The following BLM variants were observed in gnomAD, a reference collection of about 807,000 sequenced individuals.
The protein encoded by BLM is BLM RecQ like helicase.
In BLM, 95 loss-of-function variants were observed where a neutral mutation model predicts 135.3. That is an observed-to-expected ratio of 0.70 (90% CI 0.59 to 0.83). The LOEUF (loss-of-function observed/expected upper bound fraction) is 0.83. Among genes scored for constraint, BLM ranks in the 40% least tolerant of loss-of-function variants. The pLI, the probability that BLM is intolerant of heterozygous loss-of-function variation, is 0.00. For synonymous variants in BLM, 520 were observed against 589.2 expected, an observed-to-expected ratio of 0.88 and a Z score of 1.70; for missense variants, 1,518 against 1,663.9, an observed-to-expected ratio of 0.91 and a Z score of 1.53.
Position 90,749,592 on chromosome 15 carries a change from G to C in BLM, c.324G>C (p.Leu108Phe), listed in dbSNP as rs1198433222. Residue 108 changes from leucine to phenylalanine, a missense_variant, in exon 3 of 22, where the codon TTG (leucine) becomes TTC (phenylalanine). Leu to Phe is a conservative substitution (Grantham distance 22). Coordinates refer to ENST00000355112, the MANE Select transcript of BLM (RefSeq NM_000057.4). ...ETQRGGSKSL[L>F]PDFLQTPKEV... ...AGAGAGGTGGATCAAAATCATTATT[G>C]CCAGATTTCTTGCAGACTCCGAAGG... is the stretch of plus-strand genomic sequence containing the variant. The C allele has an allele frequency of 6.2e-7, 1 of 1,614,114 alleles. No individual in the cohort carries two copies. Among genetic ancestry groups the C allele is most frequent in the Non-Finnish European group, 8.5e-7 (1 of 1,180,018 alleles).
At chr15:90,789,955 A>G (rs1384472219) in intron 14 of BLM, among the ~76,000 whole-genome samples, 1 of 134,080 alleles carries the variant, frequency 7.5e-6, no homozygotes, top group African/African-American at 2.8e-5. Context: ...CCACTAAGTA[A>G]TTTGTAAGGT....
chr15:90,722,967 A>G (rs937809999), intron 1 of BLM, among the ~76,000 whole-genome samples: 1 of 152,056 alleles, frequency 6.6e-6, no homozygotes, highest in Non-Finnish European at 1.5e-5. Flanking sequence ...CAGCCTCCCA[A>G]GTAGCTTGGA....
In BLM at chr15:90,754,890, A is replaced by G. The variant is rs375250788; in HGVS notation, c.1039A>G (p.Lys347Glu). ...TSKDLLSKPE[K>E]MSMQELNPET... ...AAAAGATCTTTTGTCAAAACCTGAG[A>G]AAATGAGTATGCAGGAGCTGAATCC... is the stretch of plus-strand genomic sequence containing the variant. Residue 347 changes from lysine (K) to glutamate (E), a missense_variant, in exon 5 of 22, where the codon AAA becomes GAA. Lys to Glu is a moderately conservative substitution (Grantham distance 56). Coordinates refer to ENST00000355112, the MANE Select transcript of BLM (RefSeq NM_000057.4). 1.9e-6 allele frequency: 3 copies of G among 1,613,864 alleles called. No individual in the cohort carries two copies. Among genetic ancestry groups the G allele is most frequent in the African/African-American group, 2.7e-5 (2 of 74,908 alleles).
rs555571250 is a variant in BLM, at chr15:90,801,114, A to C, written c.3359-2407A>C. Reference sequence around the variant, plus strand: ...CAGTGAGCTAAGATCGCACCACTGCACTCCAGCCTGGGTGACAGAGCAAGA... The same window carrying C: ...CAGTGAGCTAAGATCGCACCACTGCCCTCCAGCCTGGGTGACAGAGCAAGA... On this transcript the variant is annotated intron_variant, in intron 17 of 21. Transcript: ENST00000355112. 4.0e-5 allele frequency among the ~76,000 whole-genome samples: 6 copies of C among 151,690 alleles called. No homozygotes were observed. The South Asian group carries it at 1.2e-3, about 31-fold the overall frequency.
At chr15:90,770,068 C>G (rs567545448) in intron 12 of BLM, among the ~76,000 whole-genome samples, 2 of 151,976 alleles carry the variant, frequency 1.3e-5, no homozygotes, top group Admixed American at 1.3e-4. Context: ...GATACTATGT[C>G]GAATAGCTTT....
At chr15:90,813,871 C>T (rs1409968811) in intron 21 of BLM, among the ~76,000 whole-genome samples, 1 of 152,204 alleles carries the variant, frequency 6.6e-6, no homozygotes, top group East Asian at 1.9e-4. Flanking sequence ...CTCACCTCCC[C>T]ACCCTACCCT....
intron 8 of BLM, among the ~76,000 whole-genome samples, chr15:90,764,226 G>C (rs1262958521): frequency 6.7e-6 from 1 of 148,576 alleles, no homozygotes; most frequent in Admixed American, 6.7e-5. Context: ...ACTTGTGAGA[G>C]AGAGATATAT....
At chr15:90,789,987 G>GTTTTTTTTTTGTTTTTTTTTTTTTT (rs1896857678) in intron 14 of BLM, among the ~76,000 whole-genome samples, 9 of 57,374 alleles carry the variant, frequency 1.6e-4, no homozygotes, top group African/African-American at 4.8e-4. Flanking sequence ...AGTCCCTGGT[G>GTTTTTTTTTTGTTTTTTTTTTTTTT]TTTTTTTTTT....
At position 90,749,833 on chromosome 15, in the gene BLM, G is replaced by C. The variant is rs1180631656; in HGVS notation, c.565G>C (p.Gly189Arg). 6.3e-7 allele frequency: 1 copy of C among 1,593,330 alleles called. No individual in the cohort carries two copies. The highest frequency in any genetic ancestry group is 8.5e-7 in the Non-Finnish European group (1 of 1,170,986). The change falls in exon 3 of 22, where the codon GGT becomes CGT. Residue 189 changes from glycine to arginine, a missense_variant. Around this residue, in one of 5 missense-constraint regions of BLM, gnomAD observed 724 missense variants for 756.9 expected, o/e 0.96. Coordinates refer to ENST00000355112, the MANE Select transcript of BLM (RefSeq NM_000057.4). ...AAGCACTGCTCAGAAATCAAAAAAGGGTAAGAGAAACTTTTTTAAAGCACA... is the reference window on the plus strand; with the variant it reads ...AAGCACTGCTCAGAAATCAAAAAAGCGTAAGAGAAACTTTTTTAAAGCACA... ...RVSTAQKSKK[G>R]KRNFFKAQLY...
At chr15:90,781,701 T>C (rs1233091096) in intron 12 of BLM, among the ~76,000 whole-genome samples, 2 of 152,176 alleles carry the variant, frequency 1.3e-5, no homozygotes, top group South Asian at 2.1e-4. Flanking sequence ...TCTCACTGTT[T>C]TAAGAGAGCT....
chr15:90,792,891 T>G (rs1896939499), intron 15 of BLM, among the ~76,000 whole-genome samples: 1 of 151,838 alleles, frequency 6.6e-6, no homozygotes, highest in Non-Finnish European at 1.5e-5. Flanking sequence ...TGAAGAAAAT[T>G]AAATATTTAC....
chr15:90,731,392 A>G (rs1895066017), intron 1 of BLM, among the ~76,000 whole-genome samples: 1 of 152,178 alleles, frequency 6.6e-6, no homozygotes, highest in African/African-American at 2.4e-5. Flanking sequence ...AGCCTCACAG[A>G]ATGAGCTGGG....
intron 5 of BLM, among the ~76,000 whole-genome samples, chr15:90,756,643 T>C (rs1290461960): frequency 2.0e-5 from 3 of 152,226 alleles, no homozygotes; most frequent in Non-Finnish European, 2.9e-5. Flanking sequence ...AGCATGTCAA[T>C]AGAGGCTTCC....
chr15:90,743,567 T>G (rs1024393432), intron 1 of BLM, among the ~76,000 whole-genome samples: 1 of 152,104 alleles, frequency 6.6e-6, no homozygotes, highest in African/African-American at 2.4e-5. Context: ...CTCACAGTGT[T>G]GCCCAGGCTA....
chr15:90,735,257 A>G (rs1164762663), intron 1 of BLM, among the ~76,000 whole-genome samples: 1 of 145,144 alleles, frequency 6.9e-6, no homozygotes, highest in African/African-American at 2.5e-5. Flanking sequence ...ATATATATAT[A>G]TATATATATA....
intron 1 of BLM, among the ~76,000 whole-genome samples, chr15:90,727,066 GT>G (rs1415695878): frequency 6.6e-6 from 1 of 152,176 alleles, no homozygotes; most frequent in African/African-American, 2.4e-5. Context: ...AAGTGTAAGA[GT>G]TCTCTTTTCT....
Position 90,769,293 on chromosome 15 carries a change from T to G in BLM, c.2406+62T>G, listed in dbSNP as rs75771884. ...ATACATACTACCAACAATATATGTA[T>G]TTACTGAATAAAAACCCACACTGAG... is the stretch of plus-strand genomic sequence containing the variant. On this transcript the variant is annotated intron_variant, in intron 11 of 21. Transcript: ENST00000355112. 3.2e-4 allele frequency: 501 copies of G among 1,542,644 alleles called. 1 individual carries two copies. The African/African-American group carries it at 6.3e-3, about 19-fold the overall frequency.
At chr15:90,811,086 G>T (rs1195516384) in intron 20 of BLM, 119 bp from the exon 21 acceptor site, 2 of 1,015,812 alleles carry the variant, frequency 2.0e-6, no homozygotes, top group Non-Finnish European at 3.1e-6. Flanking sequence ...AATCCATATG[G>T]CAGGGAAGCA....
At position 90,815,235 on chromosome 15, in the gene BLM, C is replaced by G; in HGVS notation, c.4210C>G (p.Pro1404Ala). The change falls in exon 22 of 22, where the codon CCT becomes GCT. Residue 1404 changes from proline (P) to alanine (A), a missense_variant. Coordinates refer to ENST00000355112, the MANE Select transcript of BLM (RefSeq NM_000057.4). This position sits in a 1 kb window ranked among gnomAD's most constrained non-coding sequence, Gnocchi z 4.6. ...SKLGIMAPPK[P>A]INRPFLKPSY... ...ATTGGGGATTATGGCTCCACCGAAGCCTATAAATAGACCGTTTCTTAAGCC... is the reference window on the plus strand; with the variant it reads ...ATTGGGGATTATGGCTCCACCGAAGGCTATAAATAGACCGTTTCTTAAGCC... 1 of 1,614,186 alleles carries G rather than the reference C, an allele frequency of 6.2e-7. No homozygotes were observed. Among genetic ancestry groups the G allele is most frequent in the Non-Finnish European group, 8.5e-7 (1 of 1,180,030 alleles).
Sources: allele counts gnomAD v4.1 joint callset (sites outside exome capture counted in the v4.1 genomes callset), GRCh38; gene constraint gnomAD v4.1.1; regional missense constraint gnomAD v4.1.1; non-coding constraint Gnocchi (gnomAD v3.1); transcripts MANE v1.5; gene names NCBI Gene and HGNC (gene_info 2026-07-23, HGNC 2026-07-21).